The following MTA3 variants were observed in gnomAD, a reference collection of about 807,000 sequenced individuals.
The protein encoded by MTA3 is metastasis-associated protein MTA3.
Under a neutral mutation model 83.5 loss-of-function variants are expected in MTA3, and 34 were observed. The ratio of observed to expected loss-of-function variants is 0.41; its 90% CI spans 0.31 to 0.54. MTA3 has a LOEUF of 0.54. Ranked by LOEUF, MTA3 falls within the 20% of genes least tolerant of loss-of-function variation. The probability of loss-of-function intolerance (pLI) is 0.33; values close to 1 mark genes in which losing one functional copy is unlikely to be tolerated. For missense variants in MTA3, 761 were observed against 726.4 expected (o/e 1.05, Z -0.55); for synonymous variants, 303 against 252.7 (o/e 1.20, Z -1.89).
intron 4 of MTA3, among the ~76,000 whole-genome samples, chr2:42,621,818 G>A (rs1685578221): frequency 2.0e-5 from 3 of 149,610 alleles, no homozygotes; most frequent in Non-Finnish European, 2.9e-5. Context: ...CCCAGACGGG[G>A]TCGTGGCCGG....
At chr2:42,642,896 C>T (rs767139252) in intron 5 of MTA3, among the ~76,000 whole-genome samples, 10 of 152,222 alleles carry the variant, frequency 6.6e-5, no homozygotes, top group South Asian at 2.1e-4. Flanking sequence ...CCGCCTGCCT[C>T]GGCCTCCCAA....
At position 42,570,939 on chromosome 2, in the gene MTA3, G is replaced by C. The variant is rs148799562; in HGVS notation, c.96+435G>C. Among the ~76,000 whole-genome samples the C allele has an allele frequency of 8.2e-3, 1,247 of 151,922 alleles. 24 individuals are homozygous for C. Among genetic ancestry groups the C allele is most frequent in the African/African-American group, 0.029 (1,192 of 41,434 alleles). ...GAGGAAGGAGAATCGCTTGAACCCG[G>C]GAGGCGGAGGTTGCGGTGAGCCAAG... On this transcript the variant is annotated intron_variant, in intron 2 of 16. Transcript: ENST00000405094.
In MTA3 at chr2:42,755,467, G is replaced by A. The variant is rs1670177015; in HGVS notation, c.*2068G>A. The A allele has an allele frequency of 2.0e-6, 2 of 985,508 alleles. No homozygotes were observed. The highest frequency in any genetic ancestry group is 1.2e-6 in the Non-Finnish European group (1 of 829,984). 61.0% of individuals were successfully genotyped at this position (985,508 alleles called of 1,614,324 possible). A position where few individuals can be genotyped will look rare whatever the true frequency, so the allele number is the denominator to read the frequency against. ...CAGTTGACATTTGGCTTTGGGAAAA[G>A]CGCAGCTTGTTCGAGCCACGTGTGC... On this transcript the variant is annotated 3_prime_UTR_variant, in exon 17 of 17. Coordinates refer to ENST00000405094, the MANE Select transcript of MTA3 (RefSeq NM_001330442.2).
Position 42,755,413 on chromosome 2 carries a change from CAGG to C in MTA3, c.*2017_*2019del. 1 of 985,470 alleles carries C rather than the reference CAGG, an allele frequency of 1.0e-6. No homozygotes were observed. Among genetic ancestry groups the C allele is most frequent in the African/African-American group, 1.7e-5 (1 of 57,360 alleles). The allele number at this position is 985,470 out of a possible 1,614,324, so 61.0% of individuals were successfully genotyped here. A position where few individuals can be genotyped will look rare whatever the true frequency, so the allele number is the denominator to read the frequency against. On this transcript the variant is annotated 3_prime_UTR_variant, in exon 17 of 17. Transcript: ENST00000405094. ...GACAGGAGTCAGGCCAGGTCTGAAG[CAGG>C]AGAAGGGAGGCCCCTCCTATCTACC...
chr2:42,704,501 T>C (rs1665895742), intron 12 of MTA3, among the ~76,000 whole-genome samples, 183 bp downstream of exon 12: 1 of 152,250 alleles, frequency 6.6e-6, no homozygotes, highest in Non-Finnish European at 1.5e-5. Context: ...TATTGAATCC[T>C]TATTACGTAC....
intron 2 of MTA3, among the ~76,000 whole-genome samples, chr2:42,547,134 T>A (rs910610365): frequency 1.3e-5 from 2 of 152,112 alleles, no homozygotes; most frequent in Admixed American, 6.6e-5. Flanking sequence ...AGGTCTAGGG[T>A]GGAGTCTGGA....
upstream of MTA3, among the ~76,000 whole-genome samples, chr2:42,565,982 C>G (rs1203897093): frequency 1.3e-5 from 2 of 152,122 alleles, no homozygotes; most frequent in Admixed American, 1.3e-4. Flanking sequence ...GCACTCCAGC[C>G]TGGGCAGCGA....
At chr2:42,594,728 A>ATATATATAT in intron 3 of MTA3, among the ~76,000 whole-genome samples, 14 of 24,040 alleles carry the variant, frequency 5.8e-4, no homozygotes, top group South Asian at 4.1e-3. Flanking sequence ...ATATATATAT[A>ATATATATAT]TTTTTTTTTT....
At chr2:42,697,570 T>C (rs1693500279) in intron 10 of MTA3, among the ~76,000 whole-genome samples, 1 of 152,230 alleles carries the variant, frequency 6.6e-6, no homozygotes, top group South Asian at 2.1e-4. Context: ...TAAAATTGTA[T>C]TAATACTTAA....
intron 2 of MTA3, among the ~76,000 whole-genome samples, chr2:42,553,870 CAAAAAAAA>C (rs34637052): frequency 1.1e-5 from 1 of 90,262 alleles, no homozygotes; most frequent in Admixed American, 1.3e-4. Context: ...GACTCCATCT[CAAAAAAAA>C]AAAAAAAAAG....
intron 8 of MTA3, among the ~76,000 whole-genome samples, chr2:42,673,038 T>A (rs1690977671): frequency 6.6e-6 from 1 of 151,472 alleles, no homozygotes; most frequent in Non-Finnish European, 1.5e-5. Flanking sequence ...GTAGAGATGG[T>A]GTTTTGCCAT....
At chr2:42,678,365 C>T (rs767138615) in intron 8 of MTA3, among the ~76,000 whole-genome samples, 11 of 151,864 alleles carry the variant, frequency 7.2e-5, no homozygotes, top group African/African-American at 1.2e-4. Context: ...TTTGACAGAT[C>T]CTCACTCTGC....
In MTA3 at chr2:42,755,845, G is replaced by C. The variant is rs1274522201; in HGVS notation, c.*2446G>C. ...CCCAGCAGACATGCCCCTGGGGTGA[G>C]GACACAGGCTCTGCAGGCTATCTCC... On this transcript the variant is annotated 3_prime_UTR_variant, in exon 17 of 17. Transcript: ENST00000405094. The C allele has an allele frequency of 2.0e-6, 2 of 985,432 alleles. No homozygotes were observed. Among genetic ancestry groups the C allele is most frequent in the South Asian group, 4.7e-5 (1 of 21,294 alleles). 61.0% of individuals were successfully genotyped at this position (985,432 alleles called of 1,614,324 possible). A position where few individuals can be genotyped will look rare whatever the true frequency, so the allele number is the denominator to read the frequency against.
At chr2:42,531,825 C>T (rs57275105) in intron 2 of MTA3, among the ~76,000 whole-genome samples, 1 of 149,808 alleles carries the variant, frequency 6.7e-6, no homozygotes, top group African/African-American at 2.5e-5. Flanking sequence ...GGCACAATCT[C>T]GGCTCACTGC....
chr2:42,715,405 A>AATT (rs1558613571), intron 14 of MTA3, among the ~76,000 whole-genome samples: 1 of 117,368 alleles, frequency 8.5e-6, no homozygotes, highest in Non-Finnish European at 1.7e-5. Flanking sequence ...GCCACCAACT[A>AATT]CTTTTTTTTT....
intron 11 of MTA3, chr2:42,698,581 G>A (rs890233631): frequency 2.0e-5 from 3 of 152,070 alleles, no homozygotes; most frequent in Non-Finnish European, 4.4e-5. Flanking sequence ...CGTGTATATT[G>A]TTCTATCCTA....
At chr2:42,554,323 C>T (rs371313241) in intron 2 of MTA3, among the ~76,000 whole-genome samples, 16 of 152,306 alleles carry the variant, frequency 1.1e-4, no homozygotes, top group African/African-American at 3.4e-4. Flanking sequence ...CCCAGAACTC[C>T]GTTTCATTTA....
intron 4 of MTA3, among the ~76,000 whole-genome samples, chr2:42,622,985 G>A (rs533062012): frequency 3.0e-4 from 45 of 152,308 alleles, no homozygotes; most frequent in Middle Eastern, 3.4e-3. Context: ...ACAAAAGCCA[G>A]AAGAGATTCA....
At chr2:42,506,797 G>A (rs1001901881) in intron 2 of MTA3, among the ~76,000 whole-genome samples, 5 of 151,898 alleles carry the variant, frequency 3.3e-5, no homozygotes, top group South Asian at 2.1e-4. Flanking sequence ...TAGTAGAGAC[G>A]GGTTTCACCA....
Sources: allele counts gnomAD v4.1 joint callset (sites outside exome capture counted in the v4.1 genomes callset), GRCh38; gene constraint gnomAD v4.1.1; transcripts MANE v1.5; gene names NCBI Gene and HGNC (gene_info 2026-07-23, HGNC 2026-07-21).